PPFIA2: variants seen among roughly 807,000 people sequenced by gnomAD.
PPFIA2 encodes the protein PPFI scaffold protein A2.
A neutral mutation model predicts 175.5 loss-of-function variants in PPFIA2; 46 were observed. The observed-to-expected ratio is 0.26, with a 90% CI of 0.21 to 0.34. The LOEUF (loss-of-function observed/expected upper bound fraction) is 0.34. PPFIA2 is among the 10% of genes least tolerant of loss of function. The probability of loss-of-function intolerance (pLI) is 1.00; values close to 1 mark genes in which losing one functional copy is unlikely to be tolerated. For missense variants in PPFIA2, 1,179 were observed against 1,506.1 expected, an observed-to-expected ratio of 0.78 and a Z score of 3.60; for synonymous variants, 568 against 511.4, an observed-to-expected ratio of 1.11 and a Z score of -1.49.
chr12:81,539,002 C>G (rs1020258517), intron 4 of PPFIA2, among the ~76,000 whole-genome samples: 1 of 151,900 alleles, frequency 6.6e-6, no homozygotes, highest in African/African-American at 2.4e-5. Context: ...GATGCTCAGA[C>G]CAGGGTGGCA....
intron 10 of PPFIA2, among the ~76,000 whole-genome samples, chr12:81,375,351 G>T (rs536161171): frequency 1.3e-5 from 2 of 152,076 alleles, no homozygotes; most frequent in East Asian, 3.9e-4. Context: ...TTTGGCCCAC[G>T]GCTATAGTTT....
At chr12:81,717,007 A>T (rs1374274865) in intron 3 of PPFIA2, among the ~76,000 whole-genome samples, 4 of 151,688 alleles carry the variant, frequency 2.6e-5, no homozygotes, top group Non-Finnish European at 5.9e-5. Context: ...ACATTTCATG[A>T]TCTGAAGTAA....
chr12:81,628,859 G>C (rs758902201), intron 4 of PPFIA2, among the ~76,000 whole-genome samples: 1 of 152,112 alleles, frequency 6.6e-6, no homozygotes, highest in Non-Finnish European at 1.5e-5. Context: ...GCAGGTTTCA[G>C]AAGCCATTCT....
At chr12:81,302,077 T>G in intron 22 of PPFIA2, 1 of 304,210 alleles carries the variant, frequency 3.3e-6, no homozygotes, top group Non-Finnish European at 6.6e-6. Context: ...TACGTGTAAA[T>G]GTTAAACAAA....
rs547477436 is a variant in PPFIA2 at position 81,720,197 on chromosome 12, T to G, written c.249+33776A>C. On this transcript the variant is annotated intron_variant, in intron 3 of 32. Transcript: ENST00000549396. Reference sequence around the variant, plus strand: ...TTTCAAATAAAAGCAACTCCCTAATTGTTACTCTCTTCTGTGCAGAAACAC... The same window carrying G: ...TTTCAAATAAAAGCAACTCCCTAATGGTTACTCTCTTCTGTGCAGAAACAC... Among the ~76,000 whole-genome samples, 8 of 151,530 alleles carry G rather than the reference T, an allele frequency of 5.3e-5. 1 individual carries two copies. The South Asian group carries it at 1.7e-3, about 31-fold the overall frequency.
chr12:81,304,915 C>T (rs1311220082), intron 22 of PPFIA2, among the ~76,000 whole-genome samples: 7 of 151,916 alleles, frequency 4.6e-5, no homozygotes, highest in Admixed American at 6.6e-5. Flanking sequence ...GAGGATAGCA[C>T]GGACTTGAGT....
chr12:81,296,034 G>A (rs1333685812), intron 23 of PPFIA2, among the ~76,000 whole-genome samples: 3 of 145,642 alleles, frequency 2.1e-5, no homozygotes, highest in African/African-American at 5.1e-5. Context: ...GGCCAGGCGC[G>A]GTGGCTCACG....
chr12:81,384,583 A>T (rs2038502540), intron 8 of PPFIA2, among the ~76,000 whole-genome samples: 1 of 151,918 alleles, frequency 6.6e-6, no homozygotes, highest in Non-Finnish European at 1.5e-5. Context: ...ATTTATTATT[A>T]ATTTACAATG....
chr12:81,281,301 T>C lies in PPFIA2; in HGVS notation c.3168A>G (p.Lys1056=). The C allele has an allele frequency of 6.2e-7, 1 of 1,611,164 alleles. No individual in the cohort carries two copies. Among genetic ancestry groups the C allele is most frequent in the Non-Finnish European group, 8.5e-7 (1 of 1,178,146 alleles). Reference sequence around the variant, plus strand: ...TTTTTAAATGGACACGGAGATCTTTTTTTGTTAGGTGATCTAACATTCTTG... The same window carrying C: ...TTTTTAAATGGACACGGAGATCTTTCTTTGTTAGGTGATCTAACATTCTTG... ...VDARMLDHLT[K]KDLRVHLKMV... Residue 1056 remains lysine, a synonymous_variant, in exon 27 of 33, where the codon AAA becomes AAG. Transcript: ENST00000549396.
intron 4 of PPFIA2, among the ~76,000 whole-genome samples, chr12:81,582,279 T>C (rs1035872371): frequency 6.6e-6 from 1 of 151,906 alleles, no homozygotes; most frequent in African/African-American, 2.4e-5. Flanking sequence ...TGAGTTTCTC[T>C]TCCATGTTCT....
chr12:81,566,530 CAAAAAAAAAAAAA>C (rs3075452), intron 4 of PPFIA2, among the ~76,000 whole-genome samples: 4 of 68,456 alleles, frequency 5.8e-5, no homozygotes, highest in South Asian at 6.1e-4. Context: ...GACTCCAACT[CAAAAAAAAAAAAA>C]AAAAAAAAAG....
At chr12:81,735,860 G>A (rs2081507259) in intron 3 of PPFIA2, among the ~76,000 whole-genome samples, 2 of 151,718 alleles carry the variant, frequency 1.3e-5, no homozygotes, top group Non-Finnish European at 2.9e-5. Context: ...CATTGAATTG[G>A]TATAATTGTT....
At chr12:81,476,250 G>A (rs1442079615) in intron 4 of PPFIA2, among the ~76,000 whole-genome samples, 1 of 152,200 alleles carries the variant, frequency 6.6e-6, no homozygotes, top group Non-Finnish European at 1.5e-5. Context: ...AAGTGATGTT[G>A]AGAGTTTAAA....
intron 3 of PPFIA2, among the ~76,000 whole-genome samples, chr12:81,705,168 G>T (rs907788765): frequency 1.4e-5 from 2 of 147,952 alleles, no homozygotes; most frequent in South Asian, 4.3e-4. Context: ...TGAAAGATAC[G>T]GCCGGGCGCA....
chr12:81,608,398 A>T (rs921723598), intron 4 of PPFIA2, among the ~76,000 whole-genome samples: 1 of 152,064 alleles, frequency 6.6e-6, no homozygotes, highest in East Asian at 1.9e-4. Context: ...GATCTGGTAA[A>T]ATTCAGCTGT....
At chr12:81,460,469 TC>T (rs2054334297) in intron 4 of PPFIA2, among the ~76,000 whole-genome samples, 1 of 152,076 alleles carries the variant, frequency 6.6e-6, no homozygotes, top group South Asian at 2.1e-4. Flanking sequence ...ACTACAATTA[TC>T]TTGCATGATC....
chr12:81,588,603 T>C (rs2075605865), intron 4 of PPFIA2, among the ~76,000 whole-genome samples: 1 of 152,122 alleles, frequency 6.6e-6, no homozygotes, highest in Non-Finnish European at 1.5e-5. Flanking sequence ...CTTCTCCATA[T>C]TCATCTCTCC....
chr12:81,365,618 C>A (rs1048703691), intron 14 of PPFIA2, among the ~76,000 whole-genome samples: 1 of 151,692 alleles, frequency 6.6e-6, no homozygotes, highest in Non-Finnish European at 1.5e-5. Flanking sequence ...TCTGATGATT[C>A]ATCAAATCAA....
At chr12:81,315,783 C>G (rs1190972993) in intron 22 of PPFIA2, among the ~76,000 whole-genome samples, 1 of 151,666 alleles carries the variant, frequency 6.6e-6, no homozygotes, top group Non-Finnish European at 1.5e-5. Context: ...TACTTAAAGA[C>G]AGATGATGGG....
Sources: allele counts gnomAD v4.1 joint callset (sites outside exome capture counted in the v4.1 genomes callset), GRCh38; gene constraint gnomAD v4.1.1; transcripts MANE v1.5; gene names NCBI Gene and HGNC (gene_info 2026-07-23, HGNC 2026-07-21).